ZNF516: variants seen among roughly 807,000 people sequenced by gnomAD.
The protein encoded by ZNF516 is zinc finger protein 516.
ZNF516 carries 19 observed loss-of-function variants against 79.7 expected under a neutral mutation model. That is an observed-to-expected ratio of 0.24 (90% CI 0.17 to 0.35). The LOEUF (loss-of-function observed/expected upper bound fraction) is 0.35, where lower values mean the gene tolerates loss of function less well. ZNF516 is among the 10% of genes least tolerant of loss of function. The pLI, the probability that ZNF516 is intolerant of heterozygous loss-of-function variation, is 1.00. For missense variants in ZNF516, 1,678 were observed against 1,679.5 expected, an observed-to-expected ratio of 1.00 and a Z score of 0.02; for synonymous variants, 877 against 739.5, an observed-to-expected ratio of 1.19 and a Z score of -3.02.
At chr18:76,381,088 G>C (rs1038406159) in intron 3 of ZNF516, among the ~76,000 whole-genome samples, 1 of 152,198 alleles carries the variant, frequency 6.6e-6, no homozygotes, top group Non-Finnish European at 1.5e-5. Context: ...AGTCTGGGAT[G>C]AACTCTGCGG....
chr18:76,475,541 AG>A, intron 1 of ZNF516, among the ~76,000 whole-genome samples: 1 of 152,364 alleles, frequency 6.6e-6, no homozygotes, highest in South Asian at 2.1e-4. Context: ...ATATTAGTAA[AG>A]TTCCCTGCAC....
chr18:76,390,138 T>G (rs993328521), intron 3 of ZNF516, among the ~76,000 whole-genome samples: 7 of 152,214 alleles, frequency 4.6e-5, no homozygotes, highest in African/African-American at 1.7e-4. Flanking sequence ...AGAGTGAATC[T>G]ATGGTCACGA....
intron 2 of ZNF516, among the ~76,000 whole-genome samples, chr18:76,444,749 G>A (rs920476411): frequency 2.6e-5 from 4 of 152,186 alleles, no homozygotes; most frequent in Non-Finnish European, 5.9e-5. Flanking sequence ...CCTCCCCCAC[G>A]GGGGTCGGGG....
intron 3 of ZNF516, among the ~76,000 whole-genome samples, chr18:76,431,423 T>C (rs1257999519): frequency 1.3e-5 from 2 of 152,224 alleles, no homozygotes; most frequent in Non-Finnish European, 2.9e-5. Context: ...TGACTGAGCC[T>C]AAGTCATACC....
intron 2 of ZNF516, among the ~76,000 whole-genome samples, chr18:76,450,769 G>A (rs189981120): frequency 9.9e-5 from 15 of 152,236 alleles, no homozygotes; most frequent in Admixed American, 7.2e-4. Flanking sequence ...TAAATATGGC[G>A]TTATCAGGGA....
chr18:76,426,192 T>C (rs1376009099), intron 3 of ZNF516, among the ~76,000 whole-genome samples: 1 of 152,234 alleles, frequency 6.6e-6, no homozygotes, highest in Non-Finnish European at 1.5e-5. Context: ...TTTAAAGTAT[T>C]AACAAATGTA....
intron 1 of ZNF516, among the ~76,000 whole-genome samples, chr18:76,468,374 T>TTTTGCTG (rs1386650249): frequency 2.8e-5 from 4 of 142,024 alleles, no homozygotes; most frequent in African/African-American, 5.6e-5. Context: ...TTATGAGGTT[T>TTTTGCTG]TTTGCTGTTT....
At chr18:76,483,134 A>AG (rs1914623503) in intron 1 of ZNF516, among the ~76,000 whole-genome samples, 1 of 152,236 alleles carries the variant, frequency 6.6e-6, no homozygotes, top group Admixed American at 6.5e-5. Flanking sequence ...TGCACAACAA[A>AG]GAAAAACTAC....
In ZNF516 at chr18:76,360,648, T is replaced by TAAAAAA. The variant is rs2074520810; in HGVS notation, c.*1849_*1850insTTTTTT. 1 of 44,150 alleles carries TAAAAAA rather than the reference T, an allele frequency of 2.3e-5. No homozygotes were observed. Among genetic ancestry groups the TAAAAAA allele is most frequent in the Non-Finnish European group, 4.2e-5 (1 of 23,602 alleles). 2.7% of individuals were successfully genotyped at this position (44,150 alleles called of 1,614,324 possible). A position where few individuals can be genotyped will look rare whatever the true frequency, so the allele number is the denominator to read the frequency against. ...AAAAATAAGTAAAAAAAAAAAAAAA[T>TAAAAAA]ATATATATATATATATATATATATA... On this transcript the variant is annotated 3_prime_UTR_variant, in exon 7 of 7. Transcript: ENST00000443185.
At chr18:76,424,522 C>A (rs1463751539) in intron 3 of ZNF516, among the ~76,000 whole-genome samples, 1 of 141,810 alleles carries the variant, frequency 7.1e-6, no homozygotes, top group African/African-American at 2.7e-5. Context: ...CCATGAAACA[C>A]ATGCAGGTGA....
At chr18:76,419,948 T>TG (rs2075484290) in intron 3 of ZNF516, among the ~76,000 whole-genome samples, 1 of 152,258 alleles carries the variant, frequency 6.6e-6, no homozygotes, top group Non-Finnish European at 1.5e-5. Flanking sequence ...CCCCACTGTG[T>TG]GTGAGGCCCA....
intron 4 of ZNF516, 126 bp downstream of exon 4, chr18:76,378,729 T>G: frequency 1.5e-6 from 2 of 1,374,166 alleles, no homozygotes; most frequent in Non-Finnish European, 1.9e-6. Context: ...AGCTCAGCAG[T>G]GGGATGGGGC....
At chr18:76,376,871 C>G (rs1232209377) in intron 4 of ZNF516, among the ~76,000 whole-genome samples, 1 of 152,126 alleles carries the variant, frequency 6.6e-6, no homozygotes, top group African/African-American at 2.4e-5. Context: ...GAGGCGGCCA[C>G]CGGGGGAAGG....
chr18:76,490,286 T>C (rs1915089313), intron 1 of ZNF516: 11 of 769,768 alleles, frequency 1.4e-5, no homozygotes, highest in Non-Finnish European at 1.6e-5. Flanking sequence ...CCAATTTTAC[T>C]AAGGGGGGGC....
intron 3 of ZNF516, among the ~76,000 whole-genome samples, chr18:76,409,766 T>C (rs2075350394): frequency 6.6e-6 from 1 of 152,216 alleles, no homozygotes; most frequent in Non-Finnish European, 1.5e-5. Flanking sequence ...GCAGCTAGGC[T>C]TTGCTACAAA....
chr18:76,487,967 A>G (rs1446874838), intron 1 of ZNF516: 1 of 985,320 alleles, frequency 1.0e-6, no homozygotes, highest in African/African-American at 1.7e-5. Context: ...TCATGCCACC[A>G]GTTAGCGACC....
chr18:76,465,657 C>T (rs770912169), intron 1 of ZNF516, among the ~76,000 whole-genome samples: 1 of 152,194 alleles, frequency 6.6e-6, no homozygotes, highest in Non-Finnish European at 1.5e-5. Context: ...CCTCTCCCTG[C>T]GGGAGAAGGT....
chr18:76,456,745 TG>T (rs1912749951), intron 2 of ZNF516, among the ~76,000 whole-genome samples: 1 of 20,088 alleles, frequency 5.0e-5, no homozygotes, highest in Non-Finnish European at 1.0e-4. Flanking sequence ...ACATGGGGGC[TG>T]GGGGGTGGGG....
rs1226684498 is a variant in ZNF516 at position 76,443,083 on chromosome 18, G to A, written c.-29C>T. On this transcript the variant is annotated 5_prime_UTR_variant, in exon 3 of 7. Transcript: ENST00000443185. Reference sequence around the variant, plus strand: ...AAGGACGGGCGCGGCCGGTGGTGGCGGCACAGCTTTCTGTCGCGCGGGCTG... The same window carrying A: ...AAGGACGGGCGCGGCCGGTGGTGGCAGCACAGCTTTCTGTCGCGCGGGCTG... The A allele has an allele frequency of 5.8e-6, 9 of 1,552,132 alleles. No homozygotes were observed. Among genetic ancestry groups the A allele is most frequent in the Middle Eastern group, 1.8e-4 (1 of 5,688 alleles).
Sources: allele counts gnomAD v4.1 joint callset (sites outside exome capture counted in the v4.1 genomes callset), GRCh38; gene constraint gnomAD v4.1.1; transcripts MANE v1.5; gene names NCBI Gene and HGNC (gene_info 2026-07-23, HGNC 2026-07-21).